The following PARVB variants were observed in gnomAD, a reference collection of about 807,000 sequenced individuals.
The protein encoded by PARVB is parvin beta, also known as beta-parvin.
Under a neutral mutation model 47.0 loss-of-function variants are expected in PARVB, and 46 were observed. The observed-to-expected ratio is 0.98, with a 90% confidence interval of 0.77 to 1.25. The LOEUF is 1.25. Among genes scored for constraint, PARVB ranks in the 50% most tolerant of loss-of-function variants. The pLI, the probability that PARVB is intolerant of heterozygous loss-of-function variation, is 0.00. For missense variants in PARVB, 473 were observed against 471.6 expected (o/e 1.00, Z -0.03); for synonymous variants, 196 against 196.3 (o/e 1.00, Z 0.01).
intron 1 of PARVB, among the ~76,000 whole-genome samples, chr22:44,067,685 C>G (rs1186564935): frequency 6.6e-6 from 1 of 152,218 alleles, no homozygotes; most frequent in Non-Finnish European, 1.5e-5. Context: ...ATTCCTGCAT[C>G]AAGTCTCCCA....
At chr22:44,058,750 T>C (rs1011340118) in intron 1 of PARVB, among the ~76,000 whole-genome samples, 2 of 151,936 alleles carry the variant, frequency 1.3e-5, no homozygotes, top group Non-Finnish European at 2.9e-5. Flanking sequence ...AAATGGGGTT[T>C]CACTCTGTTG....
In PARVB at chr22:44,100,101, C is replaced by A. The variant is rs753317019; in HGVS notation, c.251C>A (p.Pro84His). 1.9e-6 allele frequency: 3 copies of A among 1,613,968 alleles called. No individual in the cohort carries two copies. Among genetic ancestry groups the A allele is most frequent in the Non-Finnish European group, 2.5e-6 (3 of 1,179,864 alleles). The change falls in exon 3 of 13, where the codon CCC becomes CAC. Residue 84 changes from proline to histidine, a missense_variant. Coordinates refer to ENST00000338758, the MANE Select transcript of PARVB (RefSeq NM_013327.5). ...ATTGACCCCACTTCCAAGGAAGACCCCAAGTTCAAGGAACTGGTCAAGGTA... is the reference window on the plus strand; with the variant it reads ...ATTGACCCCACTTCCAAGGAAGACCACAAGTTCAAGGAACTGGTCAAGGTA... ...TMIDPTSKED[P>H]KFKELVKVLL...
At chr22:44,065,955 T>G (rs2051514963) in intron 1 of PARVB, among the ~76,000 whole-genome samples, 1 of 152,180 alleles carries the variant, frequency 6.6e-6, no homozygotes, top group African/African-American at 2.4e-5. Flanking sequence ...AATTGTGAAT[T>G]GTGGTGCTAT....
chr22:44,102,116 C>A (rs931755518), intron 3 of PARVB, among the ~76,000 whole-genome samples: 1 of 152,168 alleles, frequency 6.6e-6, no homozygotes, highest in African/African-American at 2.4e-5. Flanking sequence ...GGTAGAGATG[C>A]CAGCCTGCGT....
intron 1 of PARVB, among the ~76,000 whole-genome samples, chr22:44,065,628 C>G (rs1415046634): frequency 1.3e-5 from 2 of 152,178 alleles, no homozygotes; most frequent in South Asian, 2.1e-4. Flanking sequence ...TCACCTACCT[C>G]CCACCCTTTC....
rs537881706 is a variant in PARVB, at chr22:44,168,851, T to G, written c.*173T>G. 301 of 585,522 alleles carry G rather than the reference T, an allele frequency of 5.1e-4. 5 individuals carry two copies. In the East Asian group the frequency reaches 6.6e-3, roughly 13 times the overall value. The allele number at this position is 585,522 out of a possible 1,614,324, so 36.3% of individuals were successfully genotyped here. ...TGCCCCACCCCCTGCCTCTTTTGGT[T>G]GTTGTTCTTAATCTCCTCTCCATGT... On this transcript the variant is annotated 3_prime_UTR_variant, in exon 13 of 13. Transcript: ENST00000338758.
At chr22:44,036,033 G>A (rs1011954072) in intron 1 of PARVB, among the ~76,000 whole-genome samples, 6 of 152,072 alleles carry the variant, frequency 3.9e-5, no homozygotes, top group South Asian at 2.1e-4. Flanking sequence ...CGAGGCGGGC[G>A]GATCACTTAA....
chr22:44,108,910 C>G (rs1041256215), intron 3 of PARVB: 1 of 152,056 alleles, frequency 6.6e-6, no homozygotes, highest in Non-Finnish European at 1.5e-5. Context: ...AGAGGCCTGA[C>G]AGGAATGACA....
chr22:44,065,053 G>A (rs976521582), intron 1 of PARVB, among the ~76,000 whole-genome samples: 5 of 152,174 alleles, frequency 3.3e-5, no homozygotes, highest in African/African-American at 1.2e-4. Context: ...ATTGGATGAG[G>A]TCCTCAGAGC....
At chr22:44,047,621 A>G (rs967024939) in intron 1 of PARVB, among the ~76,000 whole-genome samples, 2 of 152,108 alleles carry the variant, frequency 1.3e-5, no homozygotes, top group Non-Finnish European at 2.9e-5. Context: ...AAATTGTACT[A>G]TTGCACTCCA....
intron 1 of PARVB, among the ~76,000 whole-genome samples, chr22:44,026,944 C>A (rs1367622412): frequency 6.6e-6 from 1 of 151,506 alleles, no homozygotes; most frequent in Non-Finnish European, 1.5e-5. Flanking sequence ...AGTGACGTGG[C>A]CTGTTCCAGA....
At position 44,122,339 on chromosome 22, in the gene PARVB, C is replaced by T. The variant is rs150365383; in HGVS notation, c.376+3199C>T. Among the ~76,000 whole-genome samples the T allele has an allele frequency of 3.5e-3, 536 of 151,978 alleles. 1 individual carries two copies. Among genetic ancestry groups the T allele is most frequent in the African/African-American group, 0.012 (514 of 41,436 alleles). On this transcript the variant is annotated intron_variant, in intron 4 of 12. Coordinates refer to ENST00000338758, the MANE Select transcript of PARVB (RefSeq NM_013327.5). ...GACCTCGTCTCTACAAATTACCAGT[C>T]GTGGTGATGTGCACCGTGCACCTGT...
At chr22:44,116,330 T>C (rs1290689441) in intron 3 of PARVB, 1 of 152,258 alleles carries the variant, frequency 6.6e-6, no homozygotes, top group African/African-American at 2.4e-5. Flanking sequence ...ACCTTCGCTA[T>C]TGGCGTCGGT....
chr22:44,147,666 T>C (rs1175762208), intron 8 of PARVB, 195 bp from the exon 9 acceptor site: 1 of 748,312 alleles, frequency 1.3e-6, no homozygotes, highest in Non-Finnish European at 2.5e-6. Flanking sequence ...CAAGCGCTCT[T>C]GCTCGCCTTG....
At chr22:44,051,606 G>A (rs2299846) in intron 1 of PARVB, among the ~76,000 whole-genome samples, 11,186 of 152,250 alleles carry the variant, frequency 0.073, 564 homozygotes, top group Middle Eastern at 0.15. Flanking sequence ...CCAATGAGGC[G>A]AATGCCGGGA....
intron 3 of PARVB, among the ~76,000 whole-genome samples, chr22:44,117,553 G>T (rs2052937234): frequency 1.3e-5 from 2 of 152,214 alleles, no homozygotes; most frequent in South Asian, 4.1e-4. Context: ...GCATTGACAA[G>T]ACCAGAATGC....
Position 44,155,835 on chromosome 22 carries a change from A to G in PARVB, c.844-2147A>G, listed in dbSNP as rs2053920326. 6.6e-6 allele frequency among the ~76,000 whole-genome samples: 1 copy of G among 152,136 alleles called. No homozygotes were observed. Among genetic ancestry groups the G allele is most frequent in the Non-Finnish European group, 1.5e-5 (1 of 68,036 alleles). ...CTGAGGGCATGTGACATGGAGGCCA[A>G]GTGCCATTTGCCCATCAACTGACAG... is the stretch of plus-strand genomic sequence containing the variant. On this transcript the variant is annotated intron_variant, in intron 10 of 12. Coordinates refer to ENST00000338758, the MANE Select transcript of PARVB (RefSeq NM_013327.5). The surrounding 1 kb of genome is among the most constrained non-coding windows in gnomAD (Gnocchi z 4.8).
intron 1 of PARVB, among the ~76,000 whole-genome samples, chr22:44,058,549 A>ATTTTTTT (rs35947294): frequency 9.4e-5 from 9 of 96,012 alleles, no homozygotes; most frequent in Non-Finnish European, 1.4e-4. Context: ...GTGGACGTGG[A>ATTTTTTT]TTTTTTTTTT....
chr22:44,035,203 T>G (rs2050897809), intron 1 of PARVB, among the ~76,000 whole-genome samples: 1 of 152,162 alleles, frequency 6.6e-6, no homozygotes, highest in African/African-American at 2.4e-5. Context: ...AATATGCATT[T>G]ATAGTACTGT....
Sources: allele counts gnomAD v4.1 joint callset (sites outside exome capture counted in the v4.1 genomes callset), GRCh38; gene constraint gnomAD v4.1.1; non-coding constraint Gnocchi (gnomAD v3.1); transcripts MANE v1.5; gene names NCBI Gene and HGNC (gene_info 2026-07-23, HGNC 2026-07-21).